The following GPR39 variants were observed in gnomAD, a reference collection of about 807,000 sequenced individuals.
GPR39 encodes the protein G protein-coupled receptor 39.
A neutral mutation model predicts 18.4 loss-of-function variants in GPR39; 23 were observed. That is an observed-to-expected ratio of 1.25 (90% CI 0.90 to 1.77). The LOEUF (loss-of-function observed/expected upper bound fraction) is 1.77, where lower values mean the gene tolerates loss of function less well. Ranked by LOEUF, GPR39 falls within the 40% of genes most tolerant of loss-of-function variation. GPR39 has a pLI of 0.00. For synonymous variants in GPR39, 280 were observed against 257.9 expected (o/e 1.09, Z -0.82); for missense variants, 647 against 602.4 (o/e 1.07, Z -0.78).
chr2:132,517,675 T>C (rs1679357131), intron 1 of GPR39, among the ~76,000 whole-genome samples: 1 of 152,214 alleles, frequency 6.6e-6, no homozygotes, highest in Admixed American at 6.5e-5. Flanking sequence ...ATCGCCAAAT[T>C]TGTGAACAGT....
chr2:132,531,693 A>T (rs1297800212), intron 1 of GPR39, among the ~76,000 whole-genome samples: 2 of 152,204 alleles, frequency 1.3e-5, no homozygotes, highest in African/African-American at 4.8e-5. Context: ...GGATTAAGAA[A>T]CTCACTCAAA....
intron 1 of GPR39, among the ~76,000 whole-genome samples, chr2:132,589,403 C>T (rs1295387452): frequency 3.3e-5 from 5 of 152,204 alleles, no homozygotes; most frequent in African/African-American, 9.7e-5. Context: ...ATCATTTTTT[C>T]CATGTGCATA....
At chr2:132,588,485 A>G (rs150713035) in intron 1 of GPR39, among the ~76,000 whole-genome samples, 50 of 152,320 alleles carry the variant, frequency 3.3e-4, no homozygotes, top group African/African-American at 1.0e-3. Flanking sequence ...CTAAGAAAAC[A>G]TGGAGGCTGG....
chr2:132,645,058 T>TTTTTC (rs752437139), intron 1 of GPR39, 43 bp from the exon 2 acceptor site: 4 of 1,573,982 alleles, frequency 2.5e-6, no homozygotes, highest in South Asian at 2.4e-5. Flanking sequence ...TCATGCTGTG[T>TTTTTC]TTTTCTTTTC....
At chr2:132,435,484 G>C (rs1417094402) in intron 1 of GPR39, among the ~76,000 whole-genome samples, 1 of 152,036 alleles carries the variant, frequency 6.6e-6, no homozygotes, top group African/African-American at 2.4e-5. Flanking sequence ...TTAATCGACT[G>C]TTTGTTATTG....
intron 1 of GPR39, among the ~76,000 whole-genome samples, chr2:132,584,656 G>A (rs965342606): frequency 6.6e-6 from 1 of 152,080 alleles, no homozygotes; most frequent in Non-Finnish European, 1.5e-5. Flanking sequence ...ATTTCCAAAG[G>A]GAAGATGAAA....
intron 1 of GPR39, among the ~76,000 whole-genome samples, chr2:132,537,531 A>C (rs1451370233): frequency 6.8e-6 from 1 of 147,506 alleles, no homozygotes; most frequent in Non-Finnish European, 1.5e-5. Context: ...TCGACCTTGG[A>C]GAATCTGATG....
rs1452023335 is a variant in GPR39 at position 132,645,398 on chromosome 2, C to G, written c.1154C>G (p.Ala385Gly). ...CATGCGCACTCCACCACCGACAGCG[C>G]CCGCTTTGTGCAGCGCCCGTTGCTC... is the stretch of plus-strand genomic sequence containing the variant. The part of the protein sequence containing the change: ...RVHAHSTTDS[A>G]RFVQRPLLFA... Residue 385 changes from alanine to glycine, a missense_variant, in exon 2 of 2, where the codon GCC (alanine) becomes GGC (glycine). Coordinates refer to ENST00000329321, the MANE Select transcript of GPR39 (RefSeq NM_001508.3). 2 of 1,613,626 alleles carry G rather than the reference C, an allele frequency of 1.2e-6. No individual in the cohort carries two copies. Among genetic ancestry groups the G allele is most frequent in the African/African-American group, 2.7e-5 (2 of 74,950 alleles).
chr2:132,417,643 C>A lies in GPR39; in HGVS notation c.601C>A (p.Gln201Lys). Residue 201 changes from glutamine to lysine, a missense_variant, in exon 1 of 2, where the codon CAG becomes AAG. Transcript: ENST00000329321. ...CCGCTCCAGCACCCGCCACCACGAGCAGCCCGAGACCTCCAATATGTCCAT... is the reference window on the plus strand; with the variant it reads ...CCGCTCCAGCACCCGCCACCACGAGAAGCCCGAGACCTCCAATATGTCCAT... Reference protein sequence around the residue: ...CNRSSTRHHEQPETSNMSICT... With the variant: ...CNRSSTRHHEKPETSNMSICT... The A allele has an allele frequency of 6.2e-7, 1 of 1,614,130 alleles. No homozygotes were observed. Among genetic ancestry groups the A allele is most frequent in the Non-Finnish European group, 8.5e-7 (1 of 1,180,036 alleles).
intron 1 of GPR39, among the ~76,000 whole-genome samples, chr2:132,558,337 G>T (rs1451043934): frequency 1.3e-5 from 2 of 151,970 alleles, no homozygotes; most frequent in Non-Finnish European, 2.9e-5. Flanking sequence ...TCATGGGGGA[G>T]GCTCTCCCAC....
At chr2:132,626,259 A>G (rs1681543753) in intron 1 of GPR39, among the ~76,000 whole-genome samples, 1 of 152,326 alleles carries the variant, frequency 6.6e-6, no homozygotes, top group Non-Finnish European at 1.5e-5. Flanking sequence ...AAATCAACCC[A>G]TAAGTACCTT....
rs764882803 is a variant in GPR39, at chr2:132,423,733, G to A, written c.856+5835G>A. On this transcript the variant is annotated intron_variant, in intron 1 of 1. Transcript: ENST00000329321. Reference sequence around the variant, plus strand: ...AACCTCCCACAAAACAAGACTCACTGTTGTCATTTTACATTTAATTGTGCA... The same window carrying A: ...AACCTCCCACAAAACAAGACTCACTATTGTCATTTTACATTTAATTGTGCA... 3.0e-4 allele frequency among the ~76,000 whole-genome samples: 45 copies of A among 152,260 alleles called. 1 individual carries two copies. Among genetic ancestry groups the A allele is most frequent in the South Asian group, 1.2e-3 (6 of 4,828 alleles).
rs190583608 is a variant in GPR39 at position 132,622,790 on chromosome 2, A to G, written c.857-22311A>G. On this transcript the variant is annotated intron_variant, in intron 1 of 1. Transcript: ENST00000329321. ...GTGATGCCATACCAGAAGAAGGTTG[A>G]AAAGTGAGCCACATTGTAGTAGATC... Among the ~76,000 whole-genome samples, 561 of 152,262 alleles carry G rather than the reference A, an allele frequency of 3.7e-3. 3 individuals are homozygous for G. Among genetic ancestry groups the G allele is most frequent in the African/African-American group, 0.013 (537 of 41,552 alleles).
intron 1 of GPR39, among the ~76,000 whole-genome samples, chr2:132,454,670 T>G (rs1378273839): frequency 2.0e-5 from 3 of 152,182 alleles, no homozygotes; most frequent in African/African-American, 7.2e-5. Context: ...ATACCTAGTT[T>G]ATTGAGAGTT....
chr2:132,460,078 G>T (rs1253829122), intron 1 of GPR39, among the ~76,000 whole-genome samples: 1 of 152,158 alleles, frequency 6.6e-6, no homozygotes, highest in Non-Finnish European at 1.5e-5. Context: ...GGATTTTAGG[G>T]TAAATGGTTT....
At chr2:132,640,708 C>T (rs1362401389) in intron 1 of GPR39, among the ~76,000 whole-genome samples, 3 of 152,184 alleles carry the variant, frequency 2.0e-5, no homozygotes, top group Admixed American at 6.5e-5. Flanking sequence ...TTAATACACT[C>T]TATTAGGGCG....
intron 1 of GPR39, among the ~76,000 whole-genome samples, chr2:132,454,283 G>A (rs1334019173): frequency 1.3e-5 from 2 of 152,114 alleles, no homozygotes; most frequent in Admixed American, 6.5e-5. Context: ...CTCTCTGTTT[G>A]TCTGTTAATG....
chr2:132,464,882 G>T (rs1237991163), intron 1 of GPR39, among the ~76,000 whole-genome samples: 1 of 152,178 alleles, frequency 6.6e-6, no homozygotes, highest in East Asian at 1.9e-4. Flanking sequence ...CTTCTATGAA[G>T]ATGGGAGCCA....
At chr2:132,632,372 A>G (rs1322782405) in intron 1 of GPR39, among the ~76,000 whole-genome samples, 1 of 152,090 alleles carries the variant, frequency 6.6e-6, no homozygotes, top group Non-Finnish European at 1.5e-5. Context: ...ATCAGAGAGG[A>G]TCTTTATTTC....
Sources: gnomAD v4.1 joint callset for allele counts (sites outside exome capture counted in the v4.1 genomes callset) on GRCh38, gnomAD v4.1.1 for gene constraint, MANE v1.5 for transcripts, NCBI Gene and HGNC (gene_info 2026-07-23, HGNC 2026-07-21) for gene names.